DECR1: variants seen among roughly 807,000 people sequenced by gnomAD.
DECR1 encodes the protein 2,4-dienoyl-CoA reductase [(3E)-enoyl-CoA-producing], mitochondrial.
Under a neutral mutation model 38.8 loss-of-function variants are expected in DECR1, and 44 were observed. The ratio of observed to expected loss-of-function variants is 1.13; its 90% CI spans 0.89 to 1.46. DECR1 has a LOEUF of 1.46. Ranked by LOEUF, DECR1 falls within the 40% of genes most tolerant of loss-of-function variation. DECR1 has a pLI of 0.00. For synonymous variants in DECR1, 148 were observed against 135.2 expected, an observed-to-expected ratio of 1.09 and a Z score of -0.66; for missense variants, 428 against 405.5, an observed-to-expected ratio of 1.06 and a Z score of -0.48.
At position 90,005,937 on chromosome 8, in the gene DECR1, G is replaced by A. The variant is rs150039494; in HGVS notation, c.69+4376G>A. On this transcript the variant is annotated intron_variant, in intron 1 of 9. Coordinates refer to ENST00000220764, the MANE Select transcript of DECR1 (RefSeq NM_001359.2). ...AAGTGAGAGGGTGTTGGGAGGTGCC[G>A]GCAAGAGAGGAAGTGAGAGGGTGTT... 8.8e-4 allele frequency: 386 copies of A among 437,278 alleles called. 2 individuals carry two copies. The highest frequency in any genetic ancestry group is 6.0e-3 in the African/African-American group (300 of 50,272). The allele number at this position is 437,278 out of a possible 1,614,324, so 27.1% of individuals were successfully genotyped here.
intron 5 of DECR1, among the ~76,000 whole-genome samples, chr8:90,021,291 C>T (rs1813156630): frequency 6.6e-6 from 1 of 152,158 alleles, no homozygotes; most frequent in Non-Finnish European, 1.5e-5. Flanking sequence ...TCCCTAGGGT[C>T]AGTGATCAGG....
At position 90,026,802 on chromosome 8, in the gene DECR1, T is replaced by C. The variant is rs190296944; in HGVS notation, c.565+5746T>C. On this transcript the variant is annotated intron_variant, in intron 5 of 9. Transcript: ENST00000220764. ...TTTGCTCTTGCTTCTCTAGTTCTTT[T>C]AATTGTGATGTTGGGTGCCCATTTT... Among the ~76,000 whole-genome samples, 902 of 152,344 alleles carry C rather than the reference T, an allele frequency of 5.9e-3. 4 individuals are homozygous for C. The highest frequency in any genetic ancestry group is 0.02 in the Middle Eastern group (6 of 294).
At chr8:90,047,598 C>G (rs1813944975) in intron 8 of DECR1, among the ~76,000 whole-genome samples, 1 of 152,120 alleles carries the variant, frequency 6.6e-6, no homozygotes, top group South Asian at 2.1e-4. Flanking sequence ...GACTTTAACG[C>G]CCCACTGTCA....
chr8:90,012,722 C>G (rs1378249811), intron 1 of DECR1, among the ~76,000 whole-genome samples: 1 of 152,230 alleles, frequency 6.6e-6, no homozygotes, highest in African/African-American at 2.4e-5. Flanking sequence ...GGTCGTGTCC[C>G]TGGCTTCCTA....
chr8:90,028,739 T>G (rs1379125731), intron 5 of DECR1, among the ~76,000 whole-genome samples: 1 of 151,938 alleles, frequency 6.6e-6, no homozygotes, highest in South Asian at 2.1e-4. Context: ...TTTTCCCTTA[T>G]AAAAATCTTT....
At chr8:90,023,719 C>CT (rs951393945) in intron 5 of DECR1, among the ~76,000 whole-genome samples, 10 of 151,338 alleles carry the variant, frequency 6.6e-5, no homozygotes, top group South Asian at 2.1e-4. Context: ...TTGCTGATAG[C>CT]TTTTTTTTAT....
At chr8:90,014,877 G>A (rs1812969095) in intron 1 of DECR1, among the ~76,000 whole-genome samples, 1 of 151,930 alleles carries the variant, frequency 6.6e-6, no homozygotes, top group Admixed American at 6.6e-5. Flanking sequence ...GAAGGCAGGT[G>A]GCAGCTTTAA....
At chr8:90,043,443 C>G (rs1787239818) in intron 7 of DECR1, among the ~76,000 whole-genome samples, 1 of 152,184 alleles carries the variant, frequency 6.6e-6, no homozygotes, top group Non-Finnish European at 1.5e-5. Flanking sequence ...ATATCCACAC[C>G]TTCTCTGCTC....
intron 6 of DECR1, among the ~76,000 whole-genome samples, chr8:90,041,144 T>C (rs1164630448): frequency 6.6e-6 from 1 of 152,216 alleles, no homozygotes; most frequent in Non-Finnish European, 1.5e-5. Flanking sequence ...TGTTGTTTCC[T>C]GACTTTTTAA....
chr8:90,016,131 G>A (rs2158423), intron 1 of DECR1, among the ~76,000 whole-genome samples: 33,256 of 152,022 alleles, frequency 0.22, 6,533 homozygotes, highest in African/African-American at 0.52. Flanking sequence ...TTTTTACTCC[G>A]AAATGGATTG....
chr8:90,004,808 C>T (rs918939061), intron 1 of DECR1, among the ~76,000 whole-genome samples: 9 of 152,178 alleles, frequency 5.9e-5, no homozygotes, highest in Non-Finnish European at 1.2e-4. Flanking sequence ...ATATCTGTTA[C>T]ATGAATGAAC....
chr8:90,002,154 G>T (rs1011716888), intron 1 of DECR1, among the ~76,000 whole-genome samples: 1 of 152,188 alleles, frequency 6.6e-6, no homozygotes, highest in African/African-American at 2.4e-5. Flanking sequence ...GTAGAAAGAG[G>T]TAGGGAAGGA....
At chr8:90,007,157 T>C (rs565477001) in intron 1 of DECR1, among the ~76,000 whole-genome samples, 1 of 152,236 alleles carries the variant, frequency 6.6e-6, no homozygotes, top group South Asian at 2.1e-4. Flanking sequence ...GACAGGAAAG[T>C]AGGAAAGAGT....
chr8:90,013,996 G>T (rs16902355), intron 1 of DECR1, among the ~76,000 whole-genome samples: 6,497 of 152,100 alleles, frequency 0.043, 283 homozygotes, highest in East Asian at 0.19. Context: ...TGGTGAGGAA[G>T]GTAGGTGATA....
chr8:90,037,682 C>T (rs915844934), intron 6 of DECR1, among the ~76,000 whole-genome samples: 3 of 152,030 alleles, frequency 2.0e-5, no homozygotes, highest in Non-Finnish European at 4.4e-5. Flanking sequence ...CTCCTGACCT[C>T]AAGAAATCCT....
chr8:90,016,657 A>C (rs1165727038), intron 1 of DECR1: 1 of 159,202 alleles, frequency 6.3e-6, no homozygotes, highest in African/African-American at 2.4e-5. Context: ...AACAAACAAA[A>C]CAAAACAAAA....
chr8:90,052,042 C>A lies in DECR1; in HGVS notation c.*145C>A. 1.5e-6 allele frequency: 1 copy of A among 647,386 alleles called. No homozygotes were observed. The allele number at this position is 647,386 out of a possible 1,614,324, so 40.1% of individuals were successfully genotyped here. ...GTATTATGTGCCAGGCCAGTGATAGCCATTGTATATTCAAAGATAAATAAA... is the reference window on the plus strand; with the variant it reads ...GTATTATGTGCCAGGCCAGTGATAGACATTGTATATTCAAAGATAAATAAA... On this transcript the variant is annotated 3_prime_UTR_variant, in exon 10 of 10. Transcript: ENST00000220764.
chr8:90,007,153 A>C lies in DECR1; in HGVS notation c.69+5592A>C, dbSNP rs1812763264. Among the ~76,000 whole-genome samples the C allele has an allele frequency of 3.9e-5, 6 of 152,216 alleles. No homozygotes were observed. In the South Asian group the frequency reaches 1.2e-3, roughly 32 times the overall value. On this transcript the variant is annotated intron_variant, in intron 1 of 9. Coordinates refer to ENST00000220764, the MANE Select transcript of DECR1 (RefSeq NM_001359.2). Reference sequence around the variant, plus strand: ...AGGGAGCAATTTGTGTAAAGACAGGAAAGTAGGAAAGAGTTCATGTTTGGG... The same window carrying C: ...AGGGAGCAATTTGTGTAAAGACAGGCAAGTAGGAAAGAGTTCATGTTTGGG...
At chr8:90,043,221 A>C (rs554516865) in intron 7 of DECR1, among the ~76,000 whole-genome samples, 1 of 152,116 alleles carries the variant, frequency 6.6e-6, no homozygotes, top group Non-Finnish European at 1.5e-5. Context: ...AACTTATTAT[A>C]TAGGCTTTGT....
Sources: gnomAD v4.1 joint callset for allele counts (sites outside exome capture counted in the v4.1 genomes callset) on GRCh38, gnomAD v4.1.1 for gene constraint, MANE v1.5 for transcripts, NCBI Gene and HGNC (gene_info 2026-07-23, HGNC 2026-07-21) for gene names.